TMEM230: variants seen among roughly 807,000 people sequenced by gnomAD.
The protein encoded by TMEM230 is transmembrane protein 230.
In TMEM230, 10 loss-of-function variants were observed where a neutral mutation model predicts 15.8. The observed-to-expected ratio is 0.63, with a 90% CI of 0.39 to 1.07. The LOEUF (loss-of-function observed/expected upper bound fraction) is 1.07. Ranked by LOEUF, TMEM230 falls within the 50% of genes least tolerant of loss-of-function variation. The pLI is 0.01. For synonymous variants in TMEM230, 67 were observed against 76.9 expected (o/e 0.87, Z 0.68); for missense variants, 165 against 193.3 (o/e 0.85, Z 0.87).
rs542826863 is a variant in TMEM230 at position 5,086,463 on chromosome 20, C to T, written c.223-17114G>A. On this transcript the variant is annotated intron_variant, in intron 3 of 3. Transcript: ENST00000612323. The stretch of plus-strand genomic sequence containing the variant: ...CTAAGGCTGGAGGATGGCATGAACC[C>T]GGGAGGCGCAGCTTGCAGTAAGACG... Among the ~76,000 whole-genome samples the T allele has an allele frequency of 1.9e-3, 278 of 147,652 alleles. 1 individual carries two copies. Among genetic ancestry groups the T allele is most frequent in the African/African-American group, 6.4e-3 (257 of 39,966 alleles).
intron 4 of TMEM230, among the ~76,000 whole-genome samples, chr20:5,103,155 T>C (rs761807156): frequency 1.6e-4 from 24 of 152,256 alleles, no homozygotes; most frequent in Non-Finnish European, 2.8e-4. Flanking sequence ...CTGACCATAA[T>C]TAACACACAA....
In TMEM230 at chr20:5,075,772, G is replaced by T. The variant is rs570238430; in HGVS notation, c.223-6423C>A. ...AAATAAAAATAATCTTTTTCCTATA[G>T]GGGCCCAACCTCATGACATCCTATG... On this transcript the variant is annotated intron_variant, in intron 3 of 3. Coordinates refer to the TMEM230 transcript ENST00000612323. 2.0e-5 allele frequency among the ~76,000 whole-genome samples: 3 copies of T among 152,000 alleles called. No homozygotes were observed. The East Asian group carries it at 5.8e-4, about 29-fold the overall frequency.
In TMEM230 at chr20:5,092,113, A is replaced by G. The variant is rs551514563; in HGVS notation, c.222+14075T>C. Among the ~76,000 whole-genome samples the G allele has an allele frequency of 1.2e-4, 18 of 152,304 alleles. 1 individual carries two copies. In the South Asian group the frequency reaches 1.9e-3, roughly 16 times the overall value. On this transcript the variant is annotated intron_variant, in intron 3 of 3. Coordinates refer to the TMEM230 transcript ENST00000612323. ...TGCCTCCTTTGTTTTCCTAGATTGC[A>G]AAGTCGTAATCTCCACACACTGAGA...
rs554092538 is a variant in TMEM230, at chr20:5,101,676, C to T, written c.412-745G>A. Among the ~76,000 whole-genome samples, 10 of 152,288 alleles carry T rather than the reference C, an allele frequency of 6.6e-5. No homozygotes were observed. In the East Asian group the frequency reaches 1.5e-3, roughly 24 times the overall value. ...CTCTGGGGCTCAAGCAATCCTCCTG[C>T]CTCAGCCTCCCAAAATGCTAGAATT... On this transcript the variant is annotated intron_variant, in intron 4 of 4. Transcript: ENST00000342308.
intron 3 of TMEM230, among the ~76,000 whole-genome samples, chr20:5,076,177 G>A (rs1468753368): frequency 6.6e-6 from 1 of 152,066 alleles, no homozygotes; most frequent in Non-Finnish European, 1.5e-5. Context: ...TGTCCTAAGG[G>A]TACTTTCTAT....
intron 3 of TMEM230, among the ~76,000 whole-genome samples, chr20:5,106,638 C>T (rs2090106421): frequency 6.6e-6 from 1 of 152,114 alleles, no homozygotes; most frequent in South Asian, 2.1e-4. Context: ...AACTCCTGAC[C>T]TCAGGTGATC....
At chr20:5,105,366 T>C (rs750720756) in intron 4 of TMEM230, among the ~76,000 whole-genome samples, 2 of 151,888 alleles carry the variant, frequency 1.3e-5, no homozygotes, top group Admixed American at 6.6e-5. Flanking sequence ...CAGTGGTTCA[T>C]GCCTGTAATC....
At chr20:5,105,844 G>A (rs897549071) in intron 4 of TMEM230, among the ~76,000 whole-genome samples, 1 of 152,092 alleles carries the variant, frequency 6.6e-6, no homozygotes, top group Non-Finnish European at 1.5e-5. Flanking sequence ...TTAGAGATCA[G>A]CCTGGGCAAC....
chr20:5,101,507 G>A (rs748484373), intron 4 of TMEM230, among the ~76,000 whole-genome samples: 1 of 151,810 alleles, frequency 6.6e-6, no homozygotes, highest in Non-Finnish European at 1.5e-5. Context: ...CTGCAACCTC[G>A]ACTTCCCAGG....
At chr20:5,075,142 T>G (rs1449848623) in intron 3 of TMEM230, among the ~76,000 whole-genome samples, 5 of 151,718 alleles carry the variant, frequency 3.3e-5, no homozygotes, top group African/African-American at 4.8e-5. Flanking sequence ...CTCGGCTCAC[T>G]GCAACCTCTA....
At chr20:5,063,832 T>A (rs1347609734), downstream of TMEM230, among the ~76,000 whole-genome samples, 1 of 139,708 alleles carries the variant, frequency 7.2e-6, no homozygotes, top group Non-Finnish European at 1.6e-5. Flanking sequence ...TCTAAATGAT[T>A]CTTGGTTCCA....
downstream of TMEM230, among the ~76,000 whole-genome samples, chr20:5,095,813 T>A (rs962300535): frequency 2.0e-5 from 3 of 152,170 alleles, no homozygotes; most frequent in Admixed American, 6.5e-5. Flanking sequence ...CAAGTGATGT[T>A]GATGCTGCCG....
downstream of TMEM230, chr20:5,068,174 A>G (rs986738612): frequency 6.6e-6 from 1 of 152,190 alleles, no homozygotes; most frequent in African/African-American, 2.4e-5. Context: ...GAAAGGTAAA[A>G]GAATGTCTTG....
chr20:5,071,583 A>G (rs894495203), intron 3 of TMEM230, among the ~76,000 whole-genome samples: 6 of 149,326 alleles, frequency 4.0e-5, no homozygotes, highest in Non-Finnish European at 8.9e-5. Flanking sequence ...AGATCGCGCC[A>G]TTGCACTCCA....
At chr20:5,062,151 G>A in the TMEM230 span, among the ~76,000 whole-genome samples, 2 of 151,852 alleles carry the variant, frequency 1.3e-5, no homozygotes, top group African/African-American at 4.8e-5. Context: ...GAGCCTAGGA[G>A]GCAGAGGTTA....
downstream of TMEM230, among the ~76,000 whole-genome samples, chr20:5,097,783 C>T (rs1453529827): frequency 6.6e-6 from 1 of 151,610 alleles, no homozygotes; most frequent in African/African-American, 2.4e-5. Flanking sequence ...TATAGGTGCC[C>T]GCCACCACAC....
chr20:5,064,572 G>A (rs6053069), downstream of TMEM230, among the ~76,000 whole-genome samples: 712 of 152,014 alleles, frequency 4.7e-3, 7 homozygotes, highest in African/African-American at 0.016. Flanking sequence ...GCGAAACTCC[G>A]TCTCAAAATA....
downstream of TMEM230, among the ~76,000 whole-genome samples, chr20:5,063,964 A>G (rs1600249865): frequency 6.6e-6 from 1 of 152,280 alleles, no homozygotes; most frequent in Admixed American, 6.5e-5. Context: ...AGGCTCACAG[A>G]TAACGAAACA....
intron 3 of TMEM230, among the ~76,000 whole-genome samples, chr20:5,080,473 G>A (rs543655818): frequency 1.3e-5 from 2 of 152,276 alleles, no homozygotes; most frequent in South Asian, 2.1e-4. Context: ...AGCAGCTAGC[G>A]TGTTCAGTGC....
Sources: allele counts gnomAD v4.1 joint callset (sites outside exome capture counted in the v4.1 genomes callset), GRCh38; gene constraint gnomAD v4.1.1; transcripts MANE v1.5; gene names NCBI Gene and HGNC (gene_info 2026-07-23, HGNC 2026-07-21).